The following NCK1 variants were observed in gnomAD, a reference collection of about 807,000 sequenced individuals.
NCK1 encodes the protein SH2/SH3 adapter protein NCK1.
In NCK1, 19 loss-of-function variants were observed where a neutral mutation model predicts 36.6. That is an observed-to-expected ratio of 0.52 (90% CI 0.36 to 0.76). The LOEUF (loss-of-function observed/expected upper bound fraction) is 0.76. Ranked by LOEUF, NCK1 falls within the 30% of genes least tolerant of loss-of-function variation. NCK1 has a pLI of 0.00. For missense variants in NCK1, 358 were observed against 445.6 expected (o/e 0.80, Z 1.77); for synonymous variants, 165 against 156.0 (o/e 1.06, Z -0.43).
intron 1 of NCK1, among the ~76,000 whole-genome samples, chr3:136,890,248 G>GC (rs931612661): frequency 6.6e-6 from 1 of 152,098 alleles, no homozygotes; most frequent in South Asian, 2.1e-4. Flanking sequence ...CGGGTGCTAA[G>GC]CCCCCCACTG....
chr3:136,926,578 C>T (rs1316159409), intron 1 of NCK1, among the ~76,000 whole-genome samples: 1 of 151,958 alleles, frequency 6.6e-6, no homozygotes, highest in Non-Finnish European at 1.5e-5. Context: ...CCCGGCCACT[C>T]TTTTTGTTTT....
At chr3:136,885,267 C>T (rs1371440443) in intron 1 of NCK1, among the ~76,000 whole-genome samples, 1 of 152,062 alleles carries the variant, frequency 6.6e-6, no homozygotes, top group African/African-American at 2.4e-5. Flanking sequence ...GGTTTGTTCT[C>T]TTCTTTAATG....
intron 1 of NCK1, among the ~76,000 whole-genome samples, chr3:136,871,409 A>G (rs570968692): frequency 6.7e-6 from 1 of 149,484 alleles, no homozygotes; most frequent in South Asian, 2.1e-4. Context: ...AAAAAACAAA[A>G]TTAAAAATTT....
chr3:136,950,630 ACT>A lies in NCK1; in HGVS notation c.*2180_*2181del, dbSNP rs979415503. ...TTAAGAACTGAAACAACCCTGGAAA[ACT>A]CTACATAGCTAGATAGTAACAATAC... On this transcript the variant is annotated 3_prime_UTR_variant, in exon 4 of 4. Coordinates refer to ENST00000481752, the MANE Select transcript of NCK1 (RefSeq NM_001291999.2). 3.3e-5 allele frequency among the ~76,000 whole-genome samples: 5 copies of A among 152,094 alleles called. No individual in the cohort carries two copies. The highest frequency in any genetic ancestry group is 1.2e-4 in the African/African-American group (5 of 41,502).
chr3:136,926,539 T>C (rs757300764), intron 1 of NCK1, among the ~76,000 whole-genome samples: 4 of 152,060 alleles, frequency 2.6e-5, no homozygotes, highest in Non-Finnish European at 5.9e-5. Flanking sequence ...CCTCCTGAAG[T>C]GCTGGGATTA....
chr3:136,883,897 A>C (rs1939008696), intron 1 of NCK1, among the ~76,000 whole-genome samples: 1 of 152,202 alleles, frequency 6.6e-6, no homozygotes, highest in African/African-American at 2.4e-5. Flanking sequence ...ATTGGAAGAT[A>C]ATGATTTACA....
intron 2 of NCK1, among the ~76,000 whole-genome samples, chr3:136,931,274 T>C (rs1576985279): frequency 6.6e-6 from 1 of 152,192 alleles, no homozygotes; most frequent in Non-Finnish European, 1.5e-5. Context: ...GGCCTCCTTA[T>C]GATCTTATAG....
chr3:136,908,495 G>C (rs1277828777), intron 1 of NCK1, among the ~76,000 whole-genome samples: 4 of 152,192 alleles, frequency 2.6e-5, no homozygotes, highest in African/African-American at 7.2e-5. Context: ...CAGGGTTGAC[G>C]TGGTTCTGAA....
At chr3:136,944,697 G>C (rs1336611619) in intron 2 of NCK1, among the ~76,000 whole-genome samples, 1 of 152,168 alleles carries the variant, frequency 6.6e-6, no homozygotes, top group African/African-American at 2.4e-5. Flanking sequence ...TGAAGAACGA[G>C]AGTGAGGATA....
intron 1 of NCK1, among the ~76,000 whole-genome samples, chr3:136,877,514 GA>G (rs1173586436): frequency 6.6e-6 from 1 of 152,154 alleles, no homozygotes; most frequent in Non-Finnish European, 1.5e-5. Context: ...CTATACATGA[GA>G]AAGAATGAAG....
intron 1 of NCK1, among the ~76,000 whole-genome samples, chr3:136,863,099 C>G (rs546856905): frequency 6.6e-6 from 1 of 152,040 alleles, no homozygotes; most frequent in African/African-American, 2.4e-5. Flanking sequence ...AGGACGTAAC[C>G]GTAGGAACGC....
At position 136,934,152 on chromosome 3, in the gene NCK1, AT is replaced by A. The variant is rs200810131; in HGVS notation, c.226+5932del. 2.9e-3 allele frequency among the ~76,000 whole-genome samples: 436 copies of A among 151,690 alleles called. 3 individuals are homozygous for A. The highest frequency in any genetic ancestry group is 0.01 in the African/African-American group (417 of 41,328). ...TTTTTTACAAGCATTTTATGAATTT[AT>A]TTTTTTACACACCACCATTGTACAA... On this transcript the variant is annotated intron_variant, in intron 2 of 3. Coordinates refer to ENST00000481752, the MANE Select transcript of NCK1 (RefSeq NM_001291999.2).
intron 1 of NCK1, among the ~76,000 whole-genome samples, chr3:136,876,127 C>T (rs1342890080): frequency 6.6e-6 from 1 of 151,692 alleles, no homozygotes; most frequent in Non-Finnish European, 1.5e-5. Context: ...CACAACATAC[C>T]AGAATCTCTG....
At chr3:136,943,429 A>G (rs1003288630) in intron 2 of NCK1, among the ~76,000 whole-genome samples, 11 of 152,240 alleles carry the variant, frequency 7.2e-5, no homozygotes, top group South Asian at 6.2e-4. Context: ...GTGGGTGTCT[A>G]GTGACAGTTG....
intron 1 of NCK1, among the ~76,000 whole-genome samples, chr3:136,867,077 T>TC (rs768982230): frequency 7.1e-4 from 1 of 1,406 alleles, no homozygotes. Context: ...TCTTTCTTTC[T>TC]TTCTTTCTTT....
chr3:136,868,218 A>G (rs2108064361), intron 1 of NCK1, among the ~76,000 whole-genome samples: 1 of 152,262 alleles, frequency 6.6e-6, no homozygotes, highest in Middle Eastern at 3.4e-3. Flanking sequence ...GCCCAGCCTT[A>G]CATTGTAAAT....
chr3:136,918,382 C>T (rs1405370184), intron 1 of NCK1, among the ~76,000 whole-genome samples: 1 of 151,936 alleles, frequency 6.6e-6, no homozygotes, highest in Non-Finnish European at 1.5e-5. Flanking sequence ...AACAAAAAAC[C>T]CAATACAGTG....
intron 1 of NCK1, among the ~76,000 whole-genome samples, chr3:136,896,572 CT>C (rs1939397990): frequency 6.6e-6 from 1 of 152,184 alleles, no homozygotes; most frequent in South Asian, 2.1e-4. Context: ...GGGTCTCACT[CT>C]GTCACCCAGG....
intron 2 of NCK1, among the ~76,000 whole-genome samples, chr3:136,940,882 C>T (rs6775389): frequency 0.68 from 103,616 of 151,886 alleles, 35,626 homozygotes; most frequent in East Asian, 0.87. Context: ...CCCACTCTCT[C>T]AGTTATCCTT....
Sources: gnomAD v4.1 joint callset for allele counts (sites outside exome capture counted in the v4.1 genomes callset) on GRCh38, gnomAD v4.1.1 for gene constraint, MANE v1.5 for transcripts, NCBI Gene and HGNC (gene_info 2026-07-23, HGNC 2026-07-21) for gene names.